The following PATL2 variants were observed in gnomAD, a reference collection of about 807,000 sequenced individuals.
PATL2 encodes PAT1 homolog 2.
In PATL2, 73 loss-of-function variants were observed where a neutral mutation model predicts 77.0. That is an observed-to-expected ratio of 0.95 (90% CI 0.78 to 1.15). The LOEUF is 1.15. Ranked by LOEUF, PATL2 falls within the 50% of genes most tolerant of loss-of-function variation. The pLI is 0.00. For synonymous variants in PATL2, 265 were observed against 257.1 expected, an observed-to-expected ratio of 1.03 and a Z score of -0.29; for missense variants, 618 against 655.4, an observed-to-expected ratio of 0.94 and a Z score of 0.62.
rs574222162 is a variant in PATL2 at position 44,705,778 on chromosome 15, A to G, written c.-76+4318T>C. 5.6e-4 allele frequency among the ~76,000 whole-genome samples: 75 copies of G among 133,464 alleles called. 1 individual carries two copies. In the South Asian group the frequency reaches 0.017, roughly 29 times the overall value. The allele number at this position is 133,464 out of a possible 152,430, so 87.6% of individuals were successfully genotyped here. ...GGATTCTGAATTCCTTCTCTGTGTTAGCTTTAATTTCTTTGAGTTTCCTCA... is the reference window on the plus strand; with the variant it reads ...GGATTCTGAATTCCTTCTCTGTGTTGGCTTTAATTTCTTTGAGTTTCCTCA... On this transcript the variant is annotated intron_variant, in intron 3 of 17. Transcript: ENST00000682850.
At chr15:44,672,700 C>A (rs2085749911) in intron 7 of PATL2, among the ~76,000 whole-genome samples, 1 of 152,174 alleles carries the variant, frequency 6.6e-6, no homozygotes, top group Non-Finnish European at 1.5e-5. Context: ...ACATTTTGGC[C>A]TGGTCATCAG....
intron 3 of PATL2, among the ~76,000 whole-genome samples, chr15:44,703,881 C>T (rs1001787794): frequency 4.6e-5 from 7 of 151,562 alleles, no homozygotes; most frequent in African/African-American, 1.5e-4. Context: ...TTGTGGTCCT[C>T]TGTTCCTTCC....
At chr15:44,679,300 G>A (rs1396247422) in intron 3 of PATL2, among the ~76,000 whole-genome samples, 1 of 150,132 alleles carries the variant, frequency 6.7e-6, no homozygotes, top group African/African-American at 2.5e-5. Flanking sequence ...GCACCATCTC[G>A]GCTCACTGCA....
chr15:44,697,832 T>A (rs1039819604), intron 3 of PATL2, among the ~76,000 whole-genome samples: 2 of 152,210 alleles, frequency 1.3e-5, no homozygotes, highest in African/African-American at 4.8e-5. Flanking sequence ...TCTCCTTATC[T>A]GTAAAGGAAA....
chr15:44,670,857 GT>G (rs377593867), intron 9 of PATL2, among the ~76,000 whole-genome samples: 55 of 152,348 alleles, frequency 3.6e-4, no homozygotes, highest in African/African-American at 1.3e-3. Context: ...CCATCCAGAG[GT>G]TTAAGCACAG....
chr15:44,690,131 A>C (rs930227120), intron 3 of PATL2, among the ~76,000 whole-genome samples: 2 of 152,088 alleles, frequency 1.3e-5, no homozygotes, highest in African/African-American at 4.8e-5. Flanking sequence ...GGAGGTTGCC[A>C]TGAGCTGAGA....
At chr15:44,684,729 T>C (rs2086214288) in intron 3 of PATL2, among the ~76,000 whole-genome samples, 2 of 152,118 alleles carry the variant, frequency 1.3e-5, no homozygotes, top group Admixed American at 1.3e-4. Context: ...AACATTCAAA[T>C]TCAGGAAATA....
rs2085735871 is a variant in PATL2 at position 44,672,438 on chromosome 15, G to A, written c.465C>T (p.His155=). The part of the protein sequence containing the change: ...PPRFSHLTQL[H]PRHQRILQQQ... ...GCTGCAAGATTCGTTGGTGCCGAGG[G>A]TGGAGCTGGGTCAGATGACTGGGAA... Residue 155 remains histidine, a synonymous_variant, in exon 8 of 18, where the codon CAC becomes CAT. Coordinates refer to ENST00000682850, the MANE Select transcript of PATL2 (RefSeq NM_001387263.1). 5.8e-6 allele frequency: 9 copies of A among 1,551,688 alleles called. No homozygotes were observed. The highest frequency in any genetic ancestry group is 1.4e-5 in the African/African-American group (1 of 73,166).
rs1332983215 is a variant in PATL2, at chr15:44,668,358, A to G, written c.1349T>C (p.Val450Ala). 1 of 1,550,972 alleles carries G rather than the reference A, an allele frequency of 6.4e-7. No individual in the cohort carries two copies. The highest frequency in any genetic ancestry group is 1.4e-5 in the African/African-American group (1 of 73,152). Residue 450 changes from valine (V) to alanine (A), a missense_variant, in exon 15 of 18, where the codon GTG becomes GCG. Val to Ala is a moderately conservative substitution (Grantham distance 64, BLOSUM62 0). Coordinates refer to ENST00000682850, the MANE Select transcript of PATL2 (RefSeq NM_001387263.1). ...ACATGTTACCTGATTCTGAAGCACC[A>G]CGGTGACTGGCCGCTCTGAGGAGCC... Reference protein sequence around the residue: ...PPGSSERPVTVVLQNQFGISL... With the variant: ...PPGSSERPVTAVLQNQFGISL...
chr15:44,707,177 G>A (rs2086757223), intron 3 of PATL2, among the ~76,000 whole-genome samples: 2 of 152,056 alleles, frequency 1.3e-5, no homozygotes, highest in African/African-American at 4.8e-5. Flanking sequence ...CCCAGAGCAG[G>A]TCCAGGAATG....
intron 3 of PATL2, among the ~76,000 whole-genome samples, chr15:44,677,300 C>T (rs2086003470): frequency 6.6e-6 from 1 of 152,174 alleles, no homozygotes; most frequent in African/African-American, 2.4e-5. Context: ...GGGCAGCGTA[C>T]TTGAAGCCCT....
chr15:44,668,394 A>T lies in PATL2; in HGVS notation c.1313T>A (p.Leu438Gln). 5 of 1,551,314 alleles carry T rather than the reference A, an allele frequency of 3.2e-6. No individual in the cohort carries two copies. The highest frequency in any genetic ancestry group is 4.4e-6 in the Non-Finnish European group (5 of 1,146,968). ...ELLQGLQGLTLLPPGSSERPV... is the reference protein window; with the variant it reads ...ELLQGLQGLTQLPPGSSERPV... ...CCGCTCTGAGGAGCCAGGTGGCAAC[A>T]GCGTTAATCCCTGAAGTCCTTGGAG... The change falls in exon 15 of 18, where the codon CTG (leucine) becomes CAG (glutamine). Residue 438 changes from leucine (L) to glutamine (Q), a missense_variant. Transcript: ENST00000682850.
intron 3 of PATL2, among the ~76,000 whole-genome samples, chr15:44,704,714 T>C (rs1437760078): frequency 6.6e-6 from 1 of 152,236 alleles, no homozygotes; most frequent in Admixed American, 6.5e-5. Flanking sequence ...TTTTACACCT[T>C]CAAATTATTT....
chr15:44,700,918 T>G (rs2086615242), intron 3 of PATL2, among the ~76,000 whole-genome samples: 1 of 152,212 alleles, frequency 6.6e-6, no homozygotes, highest in Admixed American at 6.5e-5. Flanking sequence ...CATATAGCTT[T>G]TACTGTGTTG....
intron 7 of PATL2, among the ~76,000 whole-genome samples, chr15:44,672,802 C>T (rs774222286): frequency 6.6e-6 from 1 of 152,162 alleles, no homozygotes; most frequent in Non-Finnish European, 1.5e-5. Flanking sequence ...CTCTGTCATC[C>T]AGGCTGGAGT....
In PATL2 at chr15:44,705,848, C is replaced by G. The variant is rs530181220; in HGVS notation, c.-76+4248G>C. The stretch of plus-strand genomic sequence containing the variant: ...ACAGAGTCTTGCTCAGTTGCCCAGG[C>G]TGGAGTACAGTGGTATGATCTTGGC... On this transcript the variant is annotated intron_variant, in intron 3 of 17. Coordinates refer to ENST00000682850, the MANE Select transcript of PATL2 (RefSeq NM_001387263.1). Among the ~76,000 whole-genome samples, 51 of 145,272 alleles carry G rather than the reference C, an allele frequency of 3.5e-4. No individual in the cohort carries two copies. The South Asian group carries it at 0.01, about 29-fold the overall frequency.
At chr15:44,667,418 T>G (rs2085432931) in intron 15 of PATL2, 1 of 536,162 alleles carries the variant, frequency 1.9e-6, no homozygotes, top group Admixed American at 3.2e-5. Context: ...CAAAAGACAC[T>G]CTTGGAGAGC....
At position 44,666,524 on chromosome 15, in the gene PATL2, A is replaced by G. The variant is rs1471495605; in HGVS notation, c.1481T>C (p.Leu494Pro). The G allele has an allele frequency of 6.4e-7, 1 of 1,550,836 alleles. No homozygotes were observed. Among genetic ancestry groups the G allele is most frequent in the East Asian group, 2.4e-5 (1 of 40,922 alleles). ...DHTAWTDMVVLIAWEIAQMPT... is the reference protein window; with the variant it reads ...DHTAWTDMVVPIAWEIAQMPT... The stretch of plus-strand genomic sequence containing the variant: ...CATTTGGGCTATCTCCCAGGCAATC[A>G]GAACCACCATGTCTGTCCTAGAGAG... The change falls in exon 17 of 18, where the codon CTG becomes CCG. Residue 494 changes from leucine to proline, a missense_variant. Coordinates refer to ENST00000682850, the MANE Select transcript of PATL2 (RefSeq NM_001387263.1).
At chr15:44,708,280 G>C (rs1294945914) in intron 3 of PATL2, among the ~76,000 whole-genome samples, 1 of 152,116 alleles carries the variant, frequency 6.6e-6, no homozygotes, top group Non-Finnish European at 1.5e-5. Flanking sequence ...GCAGGGAGCA[G>C]GATTAGTGGA....
Sources: gnomAD v4.1 joint callset for allele counts (sites outside exome capture counted in the v4.1 genomes callset) on GRCh38, gnomAD v4.1.1 for gene constraint, MANE v1.5 for transcripts, NCBI Gene and HGNC (gene_info 2026-07-23, HGNC 2026-07-21) for gene names.